SERPINA3: variants seen among roughly 807,000 people sequenced by gnomAD.
The protein encoded by SERPINA3 is serpin family A member 3.
SERPINA3 carries 32 observed loss-of-function variants against 26.8 expected under a neutral mutation model. That is an observed-to-expected ratio of 1.20 (90% CI 0.90 to 1.61). The LOEUF (loss-of-function observed/expected upper bound fraction) is 1.61, where lower values mean the gene tolerates loss of function less well. Among genes scored for constraint, SERPINA3 ranks in the 40% most tolerant of loss-of-function variants. The pLI is 0.00. For synonymous variants in SERPINA3, 252 were observed against 206.4 expected, an observed-to-expected ratio of 1.22 and a Z score of -1.89; for missense variants, 632 against 517.9, an observed-to-expected ratio of 1.22 and a Z score of -2.14.
At chr14:94,616,824 C>T (rs926579590) in intron 2 of SERPINA3, among the ~76,000 whole-genome samples, 8 of 152,128 alleles carry the variant, frequency 5.3e-5, no homozygotes, top group Admixed American at 2.0e-4. Flanking sequence ...ACTAACCAGA[C>T]ATTCGGGCCC....
rs779354279 is a variant in SERPINA3 at position 94,623,745 on chromosome 14, G to T, written c.1203G>T (p.Met401Ile). Residue 401 changes from methionine to isoleucine, a missense_variant, in exon 5 of 5, where the codon ATG becomes ATT. Coordinates refer to ENST00000393078, the MANE Select transcript of SERPINA3 (RefSeq NM_001085.5). ...TIVRFNRPFL[M>I]IIVPTDTQNI... is the part of the protein sequence containing the mutation. Reference sequence around the variant, plus strand: ...TGCGTTTCAACAGGCCCTTCCTGATGATCATTGTCCCTACAGACACCCAGA... The same window carrying T: ...TGCGTTTCAACAGGCCCTTCCTGATTATCATTGTCCCTACAGACACCCAGA... The T allele has an allele frequency of 1.2e-6, 2 of 1,614,154 alleles. No homozygotes were observed. Among genetic ancestry groups the T allele is most frequent in the Admixed American group, 1.7e-5 (1 of 60,020 alleles).
intron 2 of SERPINA3, chr14:94,617,683 A>C (rs897792962): frequency 3.3e-5 from 5 of 152,134 alleles, no homozygotes; most frequent in African/African-American, 9.7e-5. Flanking sequence ...TTGCTCCCTC[A>C]TTTTAACCCC....
In SERPINA3 at chr14:94,614,951, T is replaced by A. The variant is rs777497910; in HGVS notation, c.510T>A (p.Phe170Leu). The change falls in exon 2 of 5, where the codon TTT becomes TTA. Residue 170 changes from phenylalanine to leucine, a missense_variant. Transcript: ENST00000393078. ...LYGSEAFATD[F>L]QDSAAAKKLI... Reference sequence around the variant, plus strand: ...GCTCCGAGGCCTTTGCCACTGACTTTCAGGACTCAGCTGCAGCTAAGAAGC... The same window carrying A: ...GCTCCGAGGCCTTTGCCACTGACTTACAGGACTCAGCTGCAGCTAAGAAGC... 1 of 1,613,258 alleles carries A rather than the reference T, an allele frequency of 6.2e-7. No individual in the cohort carries two copies. The highest frequency in any genetic ancestry group is 8.5e-7 in the Non-Finnish European group (1 of 1,179,176).
At position 94,622,467 on chromosome 14, in the gene SERPINA3, G is replaced by A. The variant is rs560007117; in HGVS notation, c.1044G>A (p.Gly348=). ...TSKADLSGIT[G]ARNLAVSQVV... ...AGGCTGACCTGTCAGGGATCACAGG[G>A]GCCAGGAACCTAGCAGTCTCCCAGG... Residue 348 remains glycine, a synonymous_variant, in exon 4 of 5, where the codon GGG becomes GGA. Transcript: ENST00000393078. 21 of 1,614,148 alleles carry A rather than the reference G, an allele frequency of 1.3e-5. No homozygotes were observed. Among genetic ancestry groups the A allele is most frequent in the African/African-American group, 8.0e-5 (6 of 75,036 alleles).
In SERPINA3 at chr14:94,619,211, C is replaced by G. The variant is rs1032411799; in HGVS notation, c.660C>G (p.Pro220=). 1 of 1,614,140 alleles carries G rather than the reference C, an allele frequency of 6.2e-7. No homozygotes were observed. Among genetic ancestry groups the G allele is most frequent in the African/African-American group, 1.3e-5 (1 of 75,020 alleles). Residue 220 remains proline, a synonymous_variant, in exon 3 of 5, where the codon CCC becomes CCG. Coordinates refer to ENST00000393078, the MANE Select transcript of SERPINA3 (RefSeq NM_001085.5). ...YIFFKAKWEM[P]FDPQDTHQSR... ...CACCTTCAGCCAAATGGGAGATGCCCTTTGACCCCCAAGATACTCATCAGT... is the reference window on the plus strand; with the variant it reads ...CACCTTCAGCCAAATGGGAGATGCCGTTTGACCCCCAAGATACTCATCAGT...
chr14:94,621,180 GACCCCAGAACGTGGGGGTCCT>G (rs1184984171), intron 3 of SERPINA3, among the ~76,000 whole-genome samples: 5 of 152,140 alleles, frequency 3.3e-5, no homozygotes, highest in Admixed American at 6.5e-5. Flanking sequence ...GATCCCAGGA[GACCCCAGAACGTGGGGGTCCT>G]ACCCAACCCA....
chr14:94,623,799 T>G lies in SERPINA3; in HGVS notation c.1257T>G (p.Asn419Lys). The change falls in exon 5 of 5, where the codon AAT becomes AAG. Residue 419 changes from asparagine (N) to lysine (K), a missense_variant. By Grantham distance (94) the Asn-to-Lys change is moderately conservative. Transcript: ENST00000393078. ...TCTTCTTCATGAGCAAAGTCACCAA[T>G]CCCAAGCAAGCCTAGAGCTTGCCAT... ...QNIFFMSKVT[N>K]PKQA 1 of 1,614,004 alleles carries G rather than the reference T, an allele frequency of 6.2e-7. No homozygotes were observed. Among genetic ancestry groups the G allele is most frequent in the Non-Finnish European group, 8.5e-7 (1 of 1,179,996 alleles).
chr14:94,623,552 G>A (rs1313468961), intron 4 of SERPINA3, 59 bp from the exon 5 acceptor site: 11 of 1,504,844 alleles, frequency 7.3e-6, no homozygotes, highest in Non-Finnish European at 7.4e-6. Flanking sequence ...CACACAGGCA[G>A]GTCGCTGAAC....
At position 94,612,416 on chromosome 14, in the gene SERPINA3, A is replaced by C; in HGVS notation, c.-40A>C. The C allele has an allele frequency of 7.3e-7, 1 of 1,366,114 alleles. No homozygotes were observed. The highest frequency in any genetic ancestry group is 9.8e-7 in the Non-Finnish European group (1 of 1,021,628). The allele number at this position is 1,366,114 out of a possible 1,614,324, so 84.6% of individuals were successfully genotyped here. Reference sequence around the variant, plus strand: ...ACTACTCCAGACAGACGGCTTTGGAATCCACCAGCTACATCCAGCTCCCTG... The same window carrying C: ...ACTACTCCAGACAGACGGCTTTGGACTCCACCAGCTACATCCAGCTCCCTG... On this transcript the variant is annotated 5_prime_UTR_variant, in exon 1 of 5. Coordinates refer to ENST00000393078, the MANE Select transcript of SERPINA3 (RefSeq NM_001085.5).
chr14:94,621,868 C>T (rs1188054937), intron 3 of SERPINA3, among the ~76,000 whole-genome samples: 2 of 152,218 alleles, frequency 1.3e-5, no homozygotes, highest in African/African-American at 4.8e-5. Context: ...CAGGTTCTTC[C>T]ACCTGCCTCC....
Position 94,622,419 on chromosome 14 carries a change from C to T in SERPINA3, c.996C>T (p.Gly332=). The change falls in exon 4 of 5, where the codon GGC becomes GGT. Residue 332 remains glycine, a synonymous_variant. Coordinates refer to ENST00000393078, the MANE Select transcript of SERPINA3 (RefSeq NM_001085.5). ...YNLNDILLQL[G]IEEAFTSKAD... ...TGAACGACATACTTCTCCAGCTGGG[C>T]ATTGAGGAAGCCTTCACCAGCAAGG... 6.2e-7 allele frequency: 1 copy of T among 1,614,012 alleles called. No homozygotes were observed. Among genetic ancestry groups the T allele is most frequent in the South Asian group, 1.1e-5 (1 of 91,080 alleles).
At chr14:94,622,838 G>C in intron 4 of SERPINA3, 1 of 374,982 alleles carries the variant, frequency 2.7e-6, no homozygotes, top group South Asian at 2.5e-5. Context: ...TTCTTGGCTA[G>C]TATCCAGTGC....
In SERPINA3 at chr14:94,615,400, A is replaced by T. The variant is rs180884540; in HGVS notation, c.643+316A>T. 1,442 of 490,982 alleles carry T rather than the reference A, an allele frequency of 2.9e-3. 11 individuals carry two copies. Among genetic ancestry groups the T allele is most frequent in the African/African-American group, 0.023 (1,194 of 51,444 alleles). The allele number at this position is 490,982 out of a possible 1,614,324, so 30.4% of individuals were successfully genotyped here. A position where few individuals can be genotyped will look rare whatever the true frequency, so the allele number is the denominator to read the frequency against. On this transcript the variant is annotated intron_variant, in intron 2 of 4. Coordinates refer to ENST00000393078, the MANE Select transcript of SERPINA3 (RefSeq NM_001085.5). ...AGGAGCTCTCCTTTCAAACCACTCC[A>T]GGGCGCGTAGGAGCTAGAGCTCCCT... is the stretch of plus-strand genomic sequence containing the variant.
intron 3 of SERPINA3, 27 bp from the exon 4 acceptor site, chr14:94,622,314 A>C: frequency 6.2e-7 from 1 of 1,613,796 alleles, no homozygotes; most frequent in Non-Finnish European, 8.5e-7. Context: ...GCAGAGGTTC[A>C]GATACTTTTT....
intron 2 of SERPINA3, among the ~76,000 whole-genome samples, chr14:94,617,310 A>G (rs1461768057): frequency 6.6e-6 from 1 of 152,168 alleles, no homozygotes; most frequent in Non-Finnish European, 1.5e-5. Flanking sequence ...GGACCAGAGA[A>G]GCTGAGATGG....
At chr14:94,619,754 G>T (rs1165769209) in intron 3 of SERPINA3, 2 of 491,942 alleles carry the variant, frequency 4.1e-6, no homozygotes, top group African/African-American at 1.9e-5. Context: ...GGTTTCTCCT[G>T]GTCTCAATCT....
At chr14:94,619,009 T>A in intron 2 of SERPINA3, 186 bp from the exon 3 acceptor site, 1 of 671,142 alleles carries the variant, frequency 1.5e-6, no homozygotes, top group Non-Finnish European at 2.7e-6. Flanking sequence ...GTGGCCCTTT[T>A]CCCAATCCAA....
chr14:94,612,407 G>A lies in SERPINA3; in HGVS notation c.-49G>A, dbSNP rs45481092. 6,293 of 1,365,964 alleles carry A rather than the reference G, an allele frequency of 4.6e-3. 44 individuals carry two copies. The highest frequency in any genetic ancestry group is 0.021 in the African/African-American group (1,400 of 67,840). The allele number at this position is 1,365,964 out of a possible 1,614,324, so 84.6% of individuals were successfully genotyped here. A position where few individuals can be genotyped will look rare whatever the true frequency, so the allele number is the denominator to read the frequency against. ...TGAAAATCCACTACTCCAGACAGAC[G>A]GCTTTGGAATCCACCAGCTACATCC... On this transcript the variant is annotated 5_prime_UTR_variant, in exon 1 of 5. Transcript: ENST00000393078.
At chr14:94,622,512 C>G in intron 4 of SERPINA3, 21 bp downstream of exon 4, 1 of 1,613,430 alleles carries the variant, frequency 6.2e-7, no homozygotes, top group Non-Finnish European at 8.5e-7. Context: ...AGACTTGGGT[C>G]AATTCATCCT....
Sources: allele counts gnomAD v4.1 joint callset (sites outside exome capture counted in the v4.1 genomes callset), GRCh38; gene constraint gnomAD v4.1.1; transcripts MANE v1.5; gene names NCBI Gene and HGNC (gene_info 2026-07-23, HGNC 2026-07-21).